FBN2: variants seen among roughly 807,000 people sequenced by gnomAD.
FBN2 encodes fibrillin 2.
FBN2 carries 105 observed loss-of-function variants against 355.6 expected under a neutral mutation model. That is an observed-to-expected ratio of 0.30 (90% CI 0.25 to 0.35). The LOEUF is 0.35. Ranked by LOEUF, FBN2 falls within the 10% of genes least tolerant of loss-of-function variation. FBN2 has a pLI of 1.00. For missense variants in FBN2, 3,280 were observed against 3,758.7 expected (o/e 0.87, Z 3.33); for synonymous variants, 1,350 against 1,301.2 (o/e 1.04, Z -0.81).
intron 7 of FBN2, among the ~76,000 whole-genome samples, chr5:128,420,353 T>C (rs1753314596): frequency 6.6e-6 from 1 of 152,176 alleles, no homozygotes; most frequent in African/African-American, 2.4e-5. Context: ...ACATAAAAAC[T>C]TTTTCCTCTA....
intron 25 of FBN2, 60 bp from the exon 26 acceptor site, chr5:128,339,121 G>A: frequency 3.8e-6 from 6 of 1,570,354 alleles, no homozygotes; most frequent in Middle Eastern, 3.4e-4. Context: ...GGCCTTCCAA[G>A]CGAAGGTGCT....
rs148462534 is a variant in FBN2 at position 128,492,191 on chromosome 5, T to G, written c.628+27082A>C. On this transcript the variant is annotated intron_variant, in intron 5 of 64. Coordinates refer to ENST00000262464, the MANE Select transcript of FBN2 (RefSeq NM_001999.4). ...ATAGTATTAATATATGTTCAATCTA[T>G]TTTCTTCTCTCAGAACTCTTCTTGC... 2.0e-3 allele frequency among the ~76,000 whole-genome samples: 308 copies of G among 152,310 alleles called. 1 individual carries two copies. Among genetic ancestry groups the G allele is most frequent in the Middle Eastern group, 0.01 (3 of 294 alleles).
chr5:128,305,520 C>G lies in FBN2; in HGVS notation c.5665G>C (p.Ala1889Pro). The stretch of plus-strand genomic sequence containing the variant: ...TCAGCCTCTTTCTTACCTACACAGG[C>G]CCCATTGGGTGAAAGTTTGAAACCC... ...AAGFKLSPNG[A>P]CVDRNECLEI... Residue 1889 changes from alanine to proline, a missense_variant, in exon 44 of 65, where the codon GCC becomes CCC. Ala to Pro is a conservative substitution (Grantham distance 27, BLOSUM62 -1). Transcript: ENST00000262464. 1 of 1,614,036 alleles carries G rather than the reference C, an allele frequency of 6.2e-7. No homozygotes were observed. Among genetic ancestry groups the G allele is most frequent in the Non-Finnish European group, 8.5e-7 (1 of 1,179,948 alleles).
At chr5:128,475,897 T>C (rs1182437069) in intron 5 of FBN2, among the ~76,000 whole-genome samples, 1 of 152,142 alleles carries the variant, frequency 6.6e-6, no homozygotes, top group Admixed American at 6.6e-5. Flanking sequence ...TGTGATAAGA[T>C]AAAACTTAAT....
At chr5:128,389,286 G>A (rs547852737) in intron 11 of FBN2, among the ~76,000 whole-genome samples, 1 of 152,320 alleles carries the variant, frequency 6.6e-6, no homozygotes, top group East Asian at 1.9e-4. Flanking sequence ...GCAAGTGCAT[G>A]CCAGCAAAGT....
intron 48 of FBN2, among the ~76,000 whole-genome samples, chr5:128,297,739 TG>T (rs1226670848): frequency 6.6e-6 from 1 of 152,174 alleles, no homozygotes; most frequent in Non-Finnish European, 1.5e-5. Flanking sequence ...TCTCTGCCCG[TG>T]AGATGGGTTT....
chr5:128,457,861 A>T (rs71587977), intron 6 of FBN2, among the ~76,000 whole-genome samples: 1 of 151,744 alleles, frequency 6.6e-6, no homozygotes, highest in African/African-American at 2.4e-5. Flanking sequence ...AAAACAAAAA[A>T]CAAAATATAA....
intron 61 of FBN2, among the ~76,000 whole-genome samples, chr5:128,272,829 T>A (rs1765300977): frequency 6.6e-6 from 1 of 152,132 alleles, no homozygotes; most frequent in South Asian, 2.1e-4. Context: ...AATTAATAAA[T>A]GGTATCTTAT....
intron 5 of FBN2, among the ~76,000 whole-genome samples, chr5:128,478,974 A>T (rs1248416121): frequency 6.6e-6 from 1 of 152,196 alleles, no homozygotes; most frequent in African/African-American, 2.4e-5. Context: ...ACACTTATCT[A>T]ACTTTATCAG....
intron 5 of FBN2, among the ~76,000 whole-genome samples, chr5:128,503,083 TC>T (rs11296383): frequency 0.5 from 75,518 of 151,974 alleles, 22,021 homozygotes; most frequent in African/African-American, 0.82. Flanking sequence ...AGGGACAGTT[TC>T]CCCCATACTG....
At position 128,333,164 on chromosome 5, in the gene FBN2, A is replaced by G. The variant is rs373724892; in HGVS notation, c.4100-130T>C. ...GTATGGAGAAAAGAGTAGCCTAACTAACTTTTATTTTTAATTTTTGTAGGC... is the reference window on the plus strand; with the variant it reads ...GTATGGAGAAAAGAGTAGCCTAACTGACTTTTATTTTTAATTTTTGTAGGC... On this transcript the variant is annotated intron_variant, in intron 31 of 64. Coordinates refer to ENST00000262464, the MANE Select transcript of FBN2 (RefSeq NM_001999.4). 3,099 of 794,432 alleles carry G rather than the reference A, an allele frequency of 3.9e-3. 91 individuals carry two copies. In the South Asian group the frequency reaches 0.047, roughly 12 times the overall value. 49.2% of individuals were successfully genotyped at this position (794,432 alleles called of 1,614,324 possible). A position where few individuals can be genotyped will look rare whatever the true frequency, so the allele number is the denominator to read the frequency against.
At chr5:128,421,059 G>T (rs548960053) in intron 7 of FBN2, among the ~76,000 whole-genome samples, 2 of 152,320 alleles carry the variant, frequency 1.3e-5, no homozygotes, top group South Asian at 4.1e-4. Context: ...GCTAAAGTAT[G>T]GAGGTAGCCA....
chr5:128,495,933 T>C (rs34250874), intron 5 of FBN2, among the ~76,000 whole-genome samples: 25,118 of 152,050 alleles, frequency 0.17, 2,367 homozygotes, highest in Non-Finnish European at 0.23. Flanking sequence ...TCTAGAAAGA[T>C]AGAAATTACC....
intron 53 of FBN2, among the ~76,000 whole-genome samples, 198 bp from the exon 54 acceptor site, chr5:128,287,628 A>C (rs1335814260): frequency 6.6e-6 from 1 of 152,216 alleles, no homozygotes; most frequent in Non-Finnish European, 1.5e-5. Context: ...GAATATAAAA[A>C]GTACCTGAAG....
At chr5:128,267,241 T>C (rs1289038334) in intron 62 of FBN2, among the ~76,000 whole-genome samples, 1 of 152,180 alleles carries the variant, frequency 6.6e-6, no homozygotes, top group African/African-American at 2.4e-5. Flanking sequence ...TTTGGGTTGG[T>C]TCCAAGACTT....
At chr5:128,265,397 T>G (rs1218159387) in intron 62 of FBN2, among the ~76,000 whole-genome samples, 2 of 152,204 alleles carry the variant, frequency 1.3e-5, no homozygotes, top group African/African-American at 4.8e-5. Flanking sequence ...ATGTAACATT[T>G]TTGCAAGCAC....
chr5:128,281,922 C>T (rs943070187), intron 55 of FBN2, among the ~76,000 whole-genome samples: 2 of 152,080 alleles, frequency 1.3e-5, no homozygotes, highest in African/African-American at 4.8e-5. Flanking sequence ...AATCTCCTGA[C>T]CTCGTGATCC....
At chr5:128,503,821 T>C (rs1038716986) in intron 5 of FBN2, among the ~76,000 whole-genome samples, 1 of 152,162 alleles carries the variant, frequency 6.6e-6, no homozygotes. Flanking sequence ...GAACCAAATG[T>C]TAATCCCCAA....
chr5:128,312,650 G>A lies in FBN2; in HGVS notation c.4863C>T (p.Cys1621=), dbSNP rs1420949011. ...TGTACTTACTGCTATTGACAGGGGG[G>A]CATGTCTCACAGGGGTTTCCCCAGG... ...GKAWGNPCET[C]PPVNSTEYYT... Residue 1621 remains cysteine (C), a synonymous_variant, in exon 37 of 65, where the codon TGC becomes TGT. Transcript: ENST00000262464. 6 of 1,613,870 alleles carry A rather than the reference G, an allele frequency of 3.7e-6. No homozygotes were observed. Among genetic ancestry groups the A allele is most frequent in the Non-Finnish European group, 5.1e-6 (6 of 1,179,992 alleles).
Sources: allele counts gnomAD v4.1 joint callset (sites outside exome capture counted in the v4.1 genomes callset), GRCh38; gene constraint gnomAD v4.1.1; transcripts MANE v1.5; gene names NCBI Gene and HGNC (gene_info 2026-07-23, HGNC 2026-07-21).